Variants in OR51B2 observed in about 807,000 individuals in gnomAD.
The protein encoded by OR51B2 is olfactory receptor family 51 subfamily B member 2, also known as olfactory receptor 51B2.
For synonymous variants in OR51B2, 158 were observed against 135.3 expected (o/e 1.17, Z -1.16); for missense variants, 463 against 380.1 (o/e 1.22, Z -1.81).
Position 5,323,904 on chromosome 11 carries a change from A to T in OR51B2, c.394T>A (p.Ser132Thr). 6.2e-7 allele frequency: 1 copy of T among 1,614,042 alleles called. No homozygotes were observed. The highest frequency in any genetic ancestry group is 8.5e-7 in the Non-Finnish European group (1 of 1,179,956). Reference sequence around the variant, plus strand: ...ATGACTCTAGTATTGGTGAGAATGGAAGCATATCTCAAAGGATTGCGGATG... The same window carrying T: ...ATGACTCTAGTATTGGTGAGAATGGTAGCATATCTCAAAGGATTGCGGATG... ...IAIRNPLRYA[S>T]ILTNTRVIAL... Residue 132 changes from serine (S) to threonine (T), a missense_variant, in exon 1 of 1, where the codon TCC (serine) becomes ACC (threonine). By Grantham distance (58) the Ser-to-Thr change is moderately conservative. Transcript: ENST00000624187.
Position 5,323,726 on chromosome 11 carries a change from G to A in OR51B2, c.572C>T (p.Thr191Ile), listed in dbSNP as rs764726412. The A allele has an allele frequency of 6.2e-7, 1 of 1,613,462 alleles. No individual in the cohort carries two copies. The highest frequency in any genetic ancestry group is 1.1e-5 in the South Asian group (1 of 91,042). Residue 191 changes from threonine to isoleucine, a missense_variant, in exon 1 of 1, where the codon ACT becomes ATT. By Grantham distance (89) the Thr-to-Ile change is moderately conservative. Transcript: ENST00000624187. ...AATTACAGGGTAAAGTCTATTGAAAGTTATGTCAGCACAAGCCAGTCTCAT... is the reference window on the plus strand; with the variant it reads ...AATTACAGGGTAAAGTCTATTGAAAATTATGTCAGCACAAGCCAGTCTCAT... ...EIMRLACADI[T>I]FNRLYPVILI... is the part of the protein sequence containing the mutation.
rs983385820 is a variant in OR51B2 at position 5,324,034 on chromosome 11, C to G, written c.264G>C (p.Arg88Ser). ...TVMGILWVNH[R>S]EISSVGCFLQ... ...GGAAGCAGCCCACACTGCTAATCTCCCTGTGATTCACCCATAGGATGCCCA... is the reference window on the plus strand; with the variant it reads ...GGAAGCAGCCCACACTGCTAATCTCGCTGTGATTCACCCATAGGATGCCCA... The change falls in exon 1 of 1, where the codon AGG becomes AGC. Residue 88 changes from arginine to serine, a missense_variant. Transcript: ENST00000624187. 9 of 1,613,744 alleles carry G rather than the reference C, an allele frequency of 5.6e-6. No homozygotes were observed. The African/African-American group carries it at 1.2e-4, about 22-fold the overall frequency.
Position 5,324,078 on chromosome 11 carries a change from T to C in OR51B2, c.220A>G (p.Thr74Ala). 6.2e-7 allele frequency: 1 copy of C among 1,613,790 alleles called. No individual in the cohort carries two copies. The highest frequency in any genetic ancestry group is 8.5e-7 in the Non-Finnish European group (1 of 1,179,862). ...ATGCCCATTACAGTAGGCATCGTGG[T>C]CAATGTCACCATGAGGTCTGTGCCT... is the stretch of plus-strand genomic sequence containing the variant. ...LAGTDLMVTL[T>A]TMPTVMGILW... Residue 74 changes from threonine (T) to alanine (A), a missense_variant, in exon 1 of 1, where the codon ACC becomes GCC. Coordinates refer to ENST00000624187, the MANE Select transcript of OR51B2 (RefSeq NM_033180.5).
chr11:5,323,661 G>A lies in OR51B2; in HGVS notation c.637C>T (p.Leu213Phe), dbSNP rs867730593. The stretch of plus-strand genomic sequence containing the variant: ...TTAAGAATTAGAATATAGGAGAAGA[G>A]GATGATCAGACAGTCTAGGAAGATT... ...LTIFLDCLII[L>F]FSYILILNTV... is the part of the protein sequence containing the mutation. Residue 213 changes from leucine (L) to phenylalanine (F), a missense_variant, in exon 1 of 1, where the codon CTC (leucine) becomes TTC (phenylalanine). Coordinates refer to ENST00000624187, the MANE Select transcript of OR51B2 (RefSeq NM_033180.5). The A allele has an allele frequency of 6.2e-7, 1 of 1,613,098 alleles. No homozygotes were observed. The highest frequency in any genetic ancestry group is 8.5e-7 in the Non-Finnish European group (1 of 1,179,290).
In OR51B2 at chr11:5,323,670, G is replaced by A. The variant is rs754768270; in HGVS notation, c.628C>T (p.Leu210=). 1 of 1,613,022 alleles carries A rather than the reference G, an allele frequency of 6.2e-7. No homozygotes were observed. Among genetic ancestry groups the A allele is most frequent in the Non-Finnish European group, 8.5e-7 (1 of 1,179,336 alleles). ...LISLTIFLDC[L]IILFSYILIL... Reference sequence around the variant, plus strand: ...AGAATATAGGAGAAGAGGATGATCAGACAGTCTAGGAAGATTGTTAAAGAG... The same window carrying A: ...AGAATATAGGAGAAGAGGATGATCAAACAGTCTAGGAAGATTGTTAAAGAG... Residue 210 remains leucine (L), a synonymous_variant, in exon 1 of 1, where the codon CTG becomes TTG. Transcript: ENST00000624187.
rs145704673 is a variant in OR51B2, at chr11:5,323,659, G to A, written c.639C>T (p.Leu213=). 2 of 1,613,162 alleles carry A rather than the reference G, an allele frequency of 1.2e-6. No individual in the cohort carries two copies. The highest frequency in any genetic ancestry group is 1.7e-6 in the Non-Finnish European group (2 of 1,179,394). ...LTIFLDCLII[L]FSYILILNTV... is the part of the protein sequence containing the mutation. ...TATTAAGAATTAGAATATAGGAGAA[G>A]AGGATGATCAGACAGTCTAGGAAGA... The change falls in exon 1 of 1, where the codon CTC becomes CTT. Residue 213 remains leucine, a synonymous_variant. Transcript: ENST00000624187.
rs1397174146 is a variant in OR51B2, at chr11:5,323,407, T to C, written c.891A>G (p.Ile297Met). 1.2e-6 allele frequency: 2 copies of C among 1,613,646 alleles called. No homozygotes were observed. Among genetic ancestry groups the C allele is most frequent in the Non-Finnish European group, 1.7e-6 (2 of 1,179,654 alleles). The change falls in exon 1 of 1, where the codon ATA (isoleucine) becomes ATG (methionine). Residue 297 changes from isoleucine (I) to methionine (M), a missense_variant. Ile to Met is a conservative substitution (Grantham distance 10). Coordinates refer to ENST00000624187, the MANE Select transcript of OR51B2 (RefSeq NM_033180.5). ...ATAAAAGGCGGATAATGCCATATTG[T>C]ATTTGCTTGGTTTTGATGCTGTAGA... ...PVIYSIKTKQ[I>M]QYGIIRLLSK...
In OR51B2 at chr11:5,323,510, C is replaced by A; in HGVS notation, c.788G>T (p.Gly263Val). ...GTGGACAACCTCTGGCACATTCTTC[C>A]CAAATCTGTAAATGAATGTCAAACC... is the stretch of plus-strand genomic sequence containing the variant. Reference protein sequence around the residue: ...VMGLTFIYRFGKNVPEVVHII... With the variant: ...VMGLTFIYRFVKNVPEVVHII... The change falls in exon 1 of 1, where the codon GGG (glycine) becomes GTG (valine). Residue 263 changes from glycine to valine, a missense_variant. By Grantham distance (109) the Gly-to-Val change is moderately radical. Transcript: ENST00000624187. The A allele has an allele frequency of 1.9e-6, 3 of 1,613,574 alleles. No homozygotes were observed. The South Asian group carries it at 3.3e-5, about 18-fold the overall frequency.
At position 5,323,600 on chromosome 11, in the gene OR51B2, GCT is replaced by G. The variant is rs767593242; in HGVS notation, c.696_697del (p.Arg232SerfsTer12). On this transcript the variant is annotated frameshift_variant, in exon 1 of 1. Transcript: ENST00000624187. LOFTEE classifies it low-confidence loss of function (END_TRUNC). ...GGAGATACAGGTATTGAGGGCTTTGGCTCTCTCTTCACCAGAAGCAATGCCTA... is the reference window on the plus strand; with the variant it reads ...GGAGATACAGGTATTGAGGGCTTTGGCTCTCTTCACCAGAAGCAATGCCTA... The G allele has an allele frequency of 6.2e-7, 1 of 1,612,760 alleles. No homozygotes were observed. The highest frequency in any genetic ancestry group is 1.1e-5 in the South Asian group (1 of 91,062).
rs775565287 is a variant in OR51B2, at chr11:5,323,435, A to G, written c.863T>C (p.Val288Ala). 7 of 1,613,710 alleles carry G rather than the reference A, an allele frequency of 4.3e-6. No homozygotes were observed. Among genetic ancestry groups the G allele is most frequent in the Non-Finnish European group, 5.9e-6 (7 of 1,179,788 alleles). ...YFLFPPLMNP[V>A]IYSIKTKQIQ... is the part of the protein sequence containing the mutation. ...TTGCTTGGTTTTGATGCTGTAGATG[A>G]CAGGGTTCATTAAAGGAGGAAAGAG... The change falls in exon 1 of 1, where the codon GTC (valine) becomes GCC (alanine). Residue 288 changes from valine to alanine, a missense_variant. Transcript: ENST00000624187.
Position 5,323,582 on chromosome 11 carries a change from C to T in OR51B2, c.716G>A (p.Cys239Tyr), listed in dbSNP as rs202122079. ...GEERAKALNT[C>Y]ISHISCVLIF... is the part of the protein sequence containing the mutation. ...AAGAACACAACTAATGTGGGAGATA[C>T]AGGTATTGAGGGCTTTGGCTCTCTC... Residue 239 changes from cysteine (C) to tyrosine (Y), a missense_variant, in exon 1 of 1, where the codon TGT becomes TAT. Physicochemically the swap from Cys to Tyr is radical, Grantham distance 194 (BLOSUM62 -2). Coordinates refer to ENST00000624187, the MANE Select transcript of OR51B2 (RefSeq NM_033180.5). 6.8e-6 allele frequency: 11 copies of T among 1,612,982 alleles called. No homozygotes were observed. In the African/African-American group the frequency reaches 1.1e-4, roughly 16 times the overall value.
At position 5,323,659 on chromosome 11, in the gene OR51B2, G is replaced by T. The variant is rs145704673; in HGVS notation, c.639C>A (p.Leu213=). 3.7e-6 allele frequency: 6 copies of T among 1,613,280 alleles called. No individual in the cohort carries two copies. The African/African-American group carries it at 6.7e-5, about 18-fold the overall frequency. Residue 213 remains leucine, a synonymous_variant, in exon 1 of 1, where the codon CTC becomes CTA. Coordinates refer to ENST00000624187, the MANE Select transcript of OR51B2 (RefSeq NM_033180.5). The stretch of plus-strand genomic sequence containing the variant: ...TATTAAGAATTAGAATATAGGAGAA[G>T]AGGATGATCAGACAGTCTAGGAAGA... ...LTIFLDCLII[L]FSYILILNTV...
rs554140429 is a variant in OR51B2 at position 5,324,096 on chromosome 11, C to A, written c.202G>T (p.Asp68Tyr). 6.2e-7 allele frequency: 1 copy of A among 1,613,854 alleles called. No homozygotes were observed. The highest frequency in any genetic ancestry group is 8.5e-7 in the Non-Finnish European group (1 of 1,179,882). ...ATCGTGGTCAATGTCACCATGAGGT[C>A]TGTGCCTGCCAGCATGGTGAGGAAG... ...YYFLTMLAGT[D>Y]LMVTLTTMPT... Residue 68 changes from aspartate to tyrosine, a missense_variant, in exon 1 of 1, where the codon GAC becomes TAC. Coordinates refer to ENST00000624187, the MANE Select transcript of OR51B2 (RefSeq NM_033180.5).
In OR51B2 at chr11:5,324,166, G is replaced by A. The variant is rs990311238; in HGVS notation, c.132C>T (p.Leu44=). The change falls in exon 1 of 1, where the codon CTC becomes CTT. Residue 44 remains leucine (L), a synonymous_variant. Coordinates refer to ENST00000624187, the MANE Select transcript of OR51B2 (RefSeq NM_033180.5). ...GACTGTGGTCATGCTTGATGAGGTA[G>A]AGGAGCATGCCATTGCCCAGAAGGA... ...VCILLGNGML[L]YLIKHDHSLH... 3 of 1,613,922 alleles carry A rather than the reference G, an allele frequency of 1.9e-6. No homozygotes were observed. In the African/African-American group the frequency reaches 4.0e-5, roughly 22 times the overall value.
chr11:5,323,803 T>A lies in OR51B2; in HGVS notation c.495A>T (p.Ser165=). 6.2e-7 allele frequency: 1 copy of A among 1,613,534 alleles called. No individual in the cohort carries two copies. The change falls in exon 1 of 1, where the codon TCA becomes TCT. Residue 165 remains serine (S), a synonymous_variant. Coordinates refer to ENST00000624187, the MANE Select transcript of OR51B2 (RefSeq NM_033180.5). ...GTGTGATAACATGAGATTTGCAATA[T>A]GAAAATGAAAAAAGACGCAAAATTA... ...LPVILRLFSF[S]YCKSHVITRA... is the part of the protein sequence containing the mutation.
chr11:5,323,920 A>C lies in OR51B2; in HGVS notation c.378T>G (p.Asn126Lys). 1 of 1,614,026 alleles carries C rather than the reference A, an allele frequency of 6.2e-7. No homozygotes were observed. Among genetic ancestry groups the C allele is most frequent in the South Asian group, 1.1e-5 (1 of 91,078 alleles). ...TGAGAATGGAAGCATATCTCAAAGG[A>C]TTGCGGATGGCAATGAAACAATCAT... ...MAYDCFIAIR[N>K]PLRYASILTN... is the part of the protein sequence containing the mutation. Residue 126 changes from asparagine to lysine, a missense_variant, in exon 1 of 1, where the codon AAT (asparagine) becomes AAG (lysine). Coordinates refer to ENST00000624187, the MANE Select transcript of OR51B2 (RefSeq NM_033180.5).
chr11:5,324,058 C>T lies in OR51B2; in HGVS notation c.240G>A (p.Met80Ile). The T allele has an allele frequency of 6.2e-7, 1 of 1,613,802 alleles. No homozygotes were observed. Among genetic ancestry groups the T allele is most frequent in the Non-Finnish European group, 8.5e-7 (1 of 1,179,852 alleles). The change falls in exon 1 of 1, where the codon ATG becomes ATA. Residue 80 changes from methionine to isoleucine, a missense_variant. Transcript: ENST00000624187. ...CCCTGTGATTCACCCATAGGATGCC[C>T]ATTACAGTAGGCATCGTGGTCAATG... ...MVTLTTMPTV[M>I]GILWVNHREI...
rs1564906212 is a variant in OR51B2 at position 5,323,416 on chromosome 11, G to C, written c.882C>G (p.Thr294=). 1.2e-6 allele frequency: 2 copies of C among 1,613,638 alleles called. No individual in the cohort carries two copies. The highest frequency in any genetic ancestry group is 1.7e-4 in the Middle Eastern group (1 of 6,060). Residue 294 remains threonine (T), a synonymous_variant, in exon 1 of 1, where the codon ACC becomes ACG. Coordinates refer to ENST00000624187, the MANE Select transcript of OR51B2 (RefSeq NM_033180.5). ...LMNPVIYSIK[T]KQIQYGIIRL... ...GGATAATGCCATATTGTATTTGCTT[G>C]GTTTTGATGCTGTAGATGACAGGGT...
rs748523810 is a variant in OR51B2 at position 5,324,108 on chromosome 11, G to A, written c.190C>T (p.Leu64=). The A allele has an allele frequency of 6.2e-7, 1 of 1,613,892 alleles. No homozygotes were observed. Among genetic ancestry groups the A allele is most frequent in the African/African-American group, 1.3e-5 (1 of 75,010 alleles). ...GTCACCATGAGGTCTGTGCCTGCCA[G>A]CATGGTGAGGAAGTAGTACATGGGC... ...HEPMYYFLTM[L]AGTDLMVTLT... is the part of the protein sequence containing the mutation. Residue 64 remains leucine, a synonymous_variant, in exon 1 of 1, where the codon CTG becomes TTG. Transcript: ENST00000624187.
Sources: gnomAD v4.1 joint callset for allele counts on GRCh38, gnomAD v4.1.1 for gene constraint, MANE v1.5 for transcripts, NCBI Gene and HGNC (gene_info 2026-07-23, HGNC 2026-07-21) for gene names.